RPL23: variants seen among roughly 807,000 people sequenced by gnomAD.
The protein encoded by RPL23 is ribosomal protein L23, also known as large ribosomal subunit protein uL14.
For missense variants in RPL23, 79 were observed against 178.8 expected (o/e 0.44, Z 3.18); for synonymous variants, 63 against 65.3 (o/e 0.97, Z 0.17).
chr17:38,851,980 A>G (rs1204304384), intron 3 of RPL23: 2 of 152,250 alleles, frequency 1.3e-5, no homozygotes. Flanking sequence ...CAGACAGGAC[A>G]CAAGCTGCAA....
chr17:38,848,028 C>G lies in RPL23; in HGVS notation c.*2104G>C. On this transcript the variant is annotated 3_prime_UTR_variant, in exon 5 of 5. Transcript: ENST00000479035. ...GTTACAGTGAGCTTCAGTGGTGTTA[C>G]TGCACTCCAGCCTGTGTGACAGAGC... 6.5e-7 allele frequency: 1 copy of G among 1,549,928 alleles called. No individual in the cohort carries two copies. Among genetic ancestry groups the G allele is most frequent in the Non-Finnish European group, 8.7e-7 (1 of 1,146,780 alleles).
chr17:38,850,325 T>C, intron 4 of RPL23, 37 bp downstream of exon 4: 1 of 1,589,286 alleles, frequency 6.3e-7, no homozygotes, highest in South Asian at 1.1e-5. Context: ...CCACCCAACC[T>C]CAGAGACCTA....
intron 3 of RPL23, chr17:38,851,526 C>A (rs1913001788): frequency 1.3e-5 from 2 of 152,218 alleles, no homozygotes; most frequent in Non-Finnish European, 2.9e-5. Context: ...GAGCTCTGGT[C>A]TGTCCCACCA....
intron 1 of RPL23, 54 bp downstream of exon 1, chr17:38,853,644 C>G (rs1913071406): frequency 8.1e-6 from 13 of 1,612,872 alleles, no homozygotes; most frequent in Non-Finnish European, 1.1e-5. Context: ...CCTGACGAAT[C>G]CGCCAGCCAC....
chr17:38,848,074 AAC>A lies in RPL23; in HGVS notation c.*2056_*2057del. On this transcript the variant is annotated 3_prime_UTR_variant, in exon 5 of 5. Transcript: ENST00000479035. ...AGAGCAAGACTGCCTCAGAAAAGAT[AAC>A]ATTCAAAAACAGCAGCGATTAGTGG... 1 of 1,531,320 alleles carries A rather than the reference AAC, an allele frequency of 6.5e-7. No individual in the cohort carries two copies. Among genetic ancestry groups the A allele is most frequent in the East Asian group, 2.5e-5 (1 of 40,592 alleles). 94.9% of individuals were successfully genotyped at this position (1,531,320 alleles called of 1,614,324 possible).
Position 38,847,945 on chromosome 17 carries a change from T to C in RPL23, c.*2187A>G, listed in dbSNP as rs1050279594. On this transcript the variant is annotated 3_prime_UTR_variant, in exon 5 of 5. Transcript: ENST00000479035. ...TGAGGTGGGATGCAGTGGCTCACAC[T>C]TGTAATTGCAGCCCTTTGAAGGCCA... The C allele has an allele frequency of 1.4e-5, 22 of 1,544,402 alleles. No homozygotes were observed. Among genetic ancestry groups the C allele is most frequent in the Admixed American group, 1.2e-4 (6 of 49,376 alleles).
At position 38,848,158 on chromosome 17, in the gene RPL23, A is replaced by G; in HGVS notation, c.*1974T>C. ...ATATAAAGACATAAATGGTGGGCCT[A>G]GGGGCTTGTCACACTAAAGCTGACT... On this transcript the variant is annotated 3_prime_UTR_variant, in exon 5 of 5. Transcript: ENST00000479035. The G allele has an allele frequency of 7.6e-7, 1 of 1,307,388 alleles. No individual in the cohort carries two copies. Among genetic ancestry groups the G allele is most frequent in the Non-Finnish European group, 9.9e-7 (1 of 1,012,590 alleles). The allele number at this position is 1,307,388 out of a possible 1,614,324, so 81.0% of individuals were successfully genotyped here. A position where few individuals can be genotyped will look rare whatever the true frequency, so the allele number is the denominator to read the frequency against.
chr17:38,850,682 T>C (rs1302981190), intron 3 of RPL23: 2 of 455,980 alleles, frequency 4.4e-6, no homozygotes, highest in Non-Finnish European at 7.7e-6. Context: ...TTTTTTTTTT[T>C]TCATAGAGAC....
chr17:38,853,693 C>G lies in RPL23; in HGVS notation c.13+5G>C. 1 of 1,614,184 alleles carries G rather than the reference C, an allele frequency of 6.2e-7. No individual in the cohort carries two copies. The highest frequency in any genetic ancestry group is 8.5e-7 in the Non-Finnish European group (1 of 1,180,034). On this transcript the variant is annotated splice_donor_5th_base_variant and intron_variant, in intron 1 of 4. Coordinates refer to ENST00000479035, the MANE Select transcript of RPL23 (RefSeq NM_000978.4). The stretch of plus-strand genomic sequence containing the variant: ...GTGGAGGATCCTCCAGAAACAAAAC[C>G]TCACCTCGCTTCGACATCTTGAACG...
At chr17:38,852,814 C>CA (rs1167130712) in intron 2 of RPL23, 82 bp from the exon 3 acceptor site, 1 of 1,593,804 alleles carries the variant, frequency 6.3e-7, no homozygotes, top group African/African-American at 1.3e-5. Context: ...CAAACACTTC[C>CA]AAAGCCCCTC....
Position 38,849,109 on chromosome 17 carries a change from G to A in RPL23, c.*1023C>T, listed in dbSNP as rs948266830. 6.6e-6 allele frequency: 1 copy of A among 152,068 alleles called. No individual in the cohort carries two copies. Among genetic ancestry groups the A allele is most frequent in the Non-Finnish European group, 1.5e-5 (1 of 68,032 alleles). 9.4% of individuals were successfully genotyped at this position (152,068 alleles called of 1,614,324 possible). A position where few individuals can be genotyped will look rare whatever the true frequency, so the allele number is the denominator to read the frequency against. Reference sequence around the variant, plus strand: ...CTAGAGCTTGGAACATAAATTACACGATCATCCTGTTTGTCAAAACATTTT... The same window carrying A: ...CTAGAGCTTGGAACATAAATTACACAATCATCCTGTTTGTCAAAACATTTT... On this transcript the variant is annotated 3_prime_UTR_variant, in exon 5 of 5. Transcript: ENST00000479035.
chr17:38,853,197 GCACA>G, intron 1 of RPL23, 92 bp from the exon 2 acceptor site: 1 of 966,110 alleles, frequency 1.0e-6, no homozygotes, highest in Non-Finnish European at 1.7e-6. Flanking sequence ...GTAATTCACC[GCACA>G]TGCTTTGATA....
rs1418332212 is a variant in RPL23 at position 38,848,497 on chromosome 17, T to C, written c.*1635A>G. 6.5e-6 allele frequency: 1 copy of C among 154,094 alleles called. No individual in the cohort carries two copies. The highest frequency in any genetic ancestry group is 2.4e-5 in the African/African-American group (1 of 41,464). The allele number at this position is 154,094 out of a possible 1,614,324, so 9.5% of individuals were successfully genotyped here. A position where few individuals can be genotyped will look rare whatever the true frequency, so the allele number is the denominator to read the frequency against. ...ATCCACCCACCTCAGCCTCCCAAAG[T>C]GCTGGGATTATAGGTGTGAGCCACC... On this transcript the variant is annotated 3_prime_UTR_variant, in exon 5 of 5. Coordinates refer to ENST00000479035, the MANE Select transcript of RPL23 (RefSeq NM_000978.4).
In RPL23 at chr17:38,848,590, A is replaced by G. The variant is rs368895155; in HGVS notation, c.*1542T>C. 3 of 152,352 alleles carry G rather than the reference A, an allele frequency of 2.0e-5. No homozygotes were observed. The highest frequency in any genetic ancestry group is 6.5e-5 in the Admixed American group (1 of 15,280). The allele number at this position is 152,352 out of a possible 1,614,324, so 9.4% of individuals were successfully genotyped here. On this transcript the variant is annotated 3_prime_UTR_variant, in exon 5 of 5. Coordinates refer to ENST00000479035, the MANE Select transcript of RPL23 (RefSeq NM_000978.4). ...CAGTCTAGACAGGGTACTGGTTCTCAGTCTTGGGTATACCTTGACATCTCC... is the reference window on the plus strand; with the variant it reads ...CAGTCTAGACAGGGTACTGGTTCTCGGTCTTGGGTATACCTTGACATCTCC...
intron 3 of RPL23, 27 bp from the exon 4 acceptor site, chr17:38,850,502 C>T (rs745862551): frequency 6.6e-7 from 1 of 1,525,732 alleles, no homozygotes; most frequent in Admixed American, 1.7e-5. Flanking sequence ...GGACAGCAGT[C>T]ATTAACCTGT....
At chr17:38,853,533 C>T in intron 1 of RPL23, 165 bp downstream of exon 1, 1 of 811,114 alleles carries the variant, frequency 1.2e-6, no homozygotes, top group South Asian at 1.4e-5. Flanking sequence ...CAGCACCCCA[C>T]TGCCACTTTC....
rs1044141384 is a variant in RPL23 at position 38,848,357 on chromosome 17, G to A, written c.*1775C>T. ...GGGTTCAAGCAATTCTCCTGCCTCA[G>A]CCTCCCAAGTAGCTGGGATTACAGC... On this transcript the variant is annotated 3_prime_UTR_variant, in exon 5 of 5. Transcript: ENST00000479035. The A allele has an allele frequency of 1.0e-5, 2 of 195,718 alleles. No individual in the cohort carries two copies. Among genetic ancestry groups the A allele is most frequent in the Non-Finnish European group, 2.1e-5 (2 of 95,944 alleles). The allele number at this position is 195,718 out of a possible 1,614,324, so 12.1% of individuals were successfully genotyped here.
At chr17:38,852,189 C>G (rs1913020539) in intron 3 of RPL23, 1 of 190,312 alleles carries the variant, frequency 5.3e-6, no homozygotes, top group South Asian at 8.6e-5. Context: ...CCACTGCACT[C>G]CAGCCTGGGC....
rs1418905270 is a variant in RPL23 at position 38,849,028 on chromosome 17, C to T, written c.*1104G>A. On this transcript the variant is annotated 3_prime_UTR_variant, in exon 5 of 5. Coordinates refer to ENST00000479035, the MANE Select transcript of RPL23 (RefSeq NM_000978.4). Reference sequence around the variant, plus strand: ...ACCTTAAGGCCAAGTCCCTTATTATCAGCGCTTTATGCCTGTTCAGTTGGC... The same window carrying T: ...ACCTTAAGGCCAAGTCCCTTATTATTAGCGCTTTATGCCTGTTCAGTTGGC... 2.6e-5 allele frequency: 4 copies of T among 152,204 alleles called. No individual in the cohort carries two copies. The highest frequency in any genetic ancestry group is 4.4e-5 in the Non-Finnish European group (3 of 68,048). The allele number at this position is 152,204 out of a possible 1,614,324, so 9.4% of individuals were successfully genotyped here. A position where few individuals can be genotyped will look rare whatever the true frequency, so the allele number is the denominator to read the frequency against.
Sources: allele counts gnomAD v4.1 joint callset, GRCh38; gene constraint gnomAD v4.1.1; transcripts MANE v1.5; gene names NCBI Gene and HGNC (gene_info 2026-07-23, HGNC 2026-07-21).